The following PRDM13 variants were observed in gnomAD, a reference collection of about 807,000 sequenced individuals.
PRDM13 encodes the protein PR domain zinc finger protein 13.
In PRDM13, 15 loss-of-function variants were observed where a neutral mutation model predicts 36.4. The ratio of observed to expected loss-of-function variants is 0.41; its 90% confidence interval spans 0.28 to 0.64. PRDM13 has a LOEUF of 0.64. Ranked by LOEUF, PRDM13 falls within the 30% of genes least tolerant of loss-of-function variation. PRDM13 has a pLI of 0.29. For missense variants in PRDM13, 1,044 were observed against 1,013.5 expected (o/e 1.03, Z -0.41); for synonymous variants, 531 against 467.7 (o/e 1.14, Z -1.75).
In PRDM13 at chr6:99,613,080, C is replaced by G; in HGVS notation, c.445C>G (p.Pro149Ala). Residue 149 changes from proline (P) to alanine (A), a missense_variant, in exon 4 of 4, where the codon CCC (proline) becomes GCC (alanine). By Grantham distance (27) the Pro-to-Ala change is conservative. Transcript: ENST00000369215. The surrounding 1 kb of genome is among the most constrained non-coding windows in gnomAD (Gnocchi z 6.1). ...GTACTGCTGGAGGACGTTTAGATAC[C>G]CCAACAGCCTTAAGGCACACCTGCG... ...CWYCWRTFRY[P>A]NSLKAHLRFH... 2.5e-6 allele frequency: 4 copies of G among 1,613,236 alleles called. No individual in the cohort carries two copies. Among genetic ancestry groups the G allele is most frequent in the Non-Finnish European group, 2.5e-6 (3 of 1,179,810 alleles).
At position 99,614,164 on chromosome 6, in the gene PRDM13, C is replaced by T. The variant is rs199521199; in HGVS notation, c.1529C>T (p.Ala510Val). The change falls in exon 4 of 4, where the codon GCC (alanine) becomes GTC (valine). Residue 510 changes from alanine (A) to valine (V), a missense_variant. Physicochemically the swap from Ala to Val is moderately conservative, Grantham distance 64 (BLOSUM62 0). Transcript: ENST00000369215. The part of the protein sequence containing the change: ...SGPAAAALSP[A>V]ELGSLASIDR... ...CCTGCAGCGGCCGCCCTAAGCCCCGCCGAGCTGGGGTCGCTGGCCAGCATC... is the reference window on the plus strand; with the variant it reads ...CCTGCAGCGGCCGCCCTAAGCCCCGTCGAGCTGGGGTCGCTGGCCAGCATC... 583 of 1,601,398 alleles carry T rather than the reference C, an allele frequency of 3.6e-4. 5 individuals are homozygous for T. In the African/African-American group the frequency reaches 7.2e-3, roughly 20 times the overall value.
Position 99,609,245 on chromosome 6 carries a change from C to G in PRDM13, c.335C>G (p.Ser112Cys). The change falls in exon 3 of 4, where the codon TCT (serine) becomes TGT (cysteine). Residue 112 changes from serine to cysteine, a missense_variant. Transcript: ENST00000369215. ...GGGGAGGAGCTGACAGTGTGGTATT[C>G]TAACTCCTTGGCTCAGTGGTTCGAC... ...QPGEELTVWYSNSLAQWFDIP... is the reference protein window; with the variant it reads ...QPGEELTVWYCNSLAQWFDIP... 1 of 1,613,754 alleles carries G rather than the reference C, an allele frequency of 6.2e-7. No homozygotes were observed. Among genetic ancestry groups the G allele is most frequent in the Non-Finnish European group, 8.5e-7 (1 of 1,179,682 alleles).
intron 3 of PRDM13, among the ~76,000 whole-genome samples, chr6:99,611,883 A>G (rs1010260119): frequency 1.3e-5 from 2 of 152,162 alleles, no homozygotes; most frequent in African/African-American, 2.4e-5. Context: ...ACCACATTTT[A>G]AAAGAAACCC....
Position 99,613,246 on chromosome 6 carries a change from A to T in PRDM13, c.611A>T (p.Gln204Leu). The T allele has an allele frequency of 6.2e-7, 1 of 1,609,960 alleles. No individual in the cohort carries two copies. The highest frequency in any genetic ancestry group is 1.1e-5 in the South Asian group (1 of 90,714). Residue 204 changes from glutamine (Q) to leucine (L), a missense_variant, in exon 4 of 4, where the codon CAG becomes CTG. By Grantham distance (113) the Gln-to-Leu change is moderately radical. Around this residue, in one of 3 missense-constraint regions of PRDM13, gnomAD observed 921 missense variants for 865.2 expected, o/e 1.06. Coordinates refer to ENST00000369215, the MANE Select transcript of PRDM13 (RefSeq NM_021620.4). This position sits in a 1 kb window ranked among gnomAD's most constrained non-coding sequence, Gnocchi z 6.1. ...PPAPDFAAPS[Q>L]AGTLRPHPLG... ...GCGCCCGATTTCGCCGCGCCTTCCC[A>T]GGCAGGAACTTTGCGACCCCACCCC... is the stretch of plus-strand genomic sequence containing the variant.
rs1271092975 is a variant in PRDM13 at position 99,613,393 on chromosome 6, A to T, written c.758A>T (p.Glu253Val). The T allele has an allele frequency of 1.9e-5, 29 of 1,555,786 alleles. No individual in the cohort carries two copies. The highest frequency in any genetic ancestry group is 1.7e-4 in the Middle Eastern group (1 of 5,984). The change falls in exon 4 of 4, where the codon GAG (glutamate) becomes GTG (valine). Residue 253 changes from glutamate to valine, a missense_variant. Glu to Val is a moderately radical substitution (Grantham distance 121, BLOSUM62 -2). Around this residue, in one of 3 missense-constraint regions of PRDM13, gnomAD observed 921 missense variants for 865.2 expected, o/e 1.06. Transcript: ENST00000369215. The surrounding 1 kb of genome is among the most constrained non-coding windows in gnomAD (Gnocchi z 6.1). ...GKWGQPKKGK[E>V]QLDRALDMSG... is the part of the protein sequence containing the mutation. ...TGGGGGCAGCCCAAGAAGGGCAAGGAGCAGCTGGACCGTGCCCTGGACATG... is the reference window on the plus strand; with the variant it reads ...TGGGGGCAGCCCAAGAAGGGCAAGGTGCAGCTGGACCGTGCCCTGGACATG...
At chr6:99,610,272 A>G (rs1289704544) in intron 3 of PRDM13, among the ~76,000 whole-genome samples, 2 of 152,228 alleles carry the variant, frequency 1.3e-5, no homozygotes, top group African/African-American at 4.8e-5. Context: ...CTACCCTTGA[A>G]CACTGAAGAA....
In PRDM13 at chr6:99,613,450, T is replaced by C; in HGVS notation, c.815T>C (p.Leu272Pro). Reference sequence around the variant, plus strand: ...GCCGCCCGAGGACAAGGGCACTTCCTCGGCATCGTGGGCGGCTCCTCGGCG... The same window carrying C: ...GCCGCCCGAGGACAAGGGCACTTCCCCGGCATCGTGGGCGGCTCCTCGGCG... ...SGAARGQGHF[L>P]GIVGGSSAGV... The change falls in exon 4 of 4, where the codon CTC becomes CCC. Residue 272 changes from leucine (L) to proline (P), a missense_variant. By Grantham distance (98) the Leu-to-Pro change is moderately conservative. Transcript: ENST00000369215. This position sits in a 1 kb window ranked among gnomAD's most constrained non-coding sequence, Gnocchi z 6.1. 1 of 1,540,652 alleles carries C rather than the reference T, an allele frequency of 6.5e-7. No individual in the cohort carries two copies. The highest frequency in any genetic ancestry group is 8.7e-7 in the Non-Finnish European group (1 of 1,152,150).
chr6:99,608,632 C>A (rs1231651003), intron 1 of PRDM13, 109 bp from the exon 2 acceptor site: 31 of 1,463,446 alleles, frequency 2.1e-5, no homozygotes, highest in Non-Finnish European at 2.7e-5. Context: ...TCTGGCCAAA[C>A]CAAAAACAAC....
At position 99,614,302 on chromosome 6, in the gene PRDM13, C is replaced by G; in HGVS notation, c.1667C>G (p.Thr556Ser). Residue 556 changes from threonine to serine, a missense_variant, in exon 4 of 4, where the codon ACC becomes AGC. By Grantham distance (58) the Thr-to-Ser change is moderately conservative. Around this residue, in one of 3 missense-constraint regions of PRDM13, gnomAD observed 921 missense variants for 865.2 expected, o/e 1.06. Coordinates refer to ENST00000369215, the MANE Select transcript of PRDM13 (RefSeq NM_021620.4). ...CCGGCCGTCGCGGCGGCGGGAGGCA[C>G]CGGGGGCGGCGGCAGCGGAGGCAGC... ...LPPAVAAAGG[T>S]GGGGSGGSGA... 6.2e-7 allele frequency: 1 copy of G among 1,604,580 alleles called. No homozygotes were observed. The highest frequency in any genetic ancestry group is 8.5e-7 in the Non-Finnish European group (1 of 1,175,812).
Position 99,614,066 on chromosome 6 carries a change from C to T in PRDM13, c.1431C>T (p.Thr477=), listed in dbSNP as rs1331946590. ...GELLYGSPAT[T]AYYPLKLHFG... Reference sequence around the variant, plus strand: ...TGCTCTACGGCTCACCGGCCACCACCGCTTATTACCCGCTCAAATTGCACT... The same window carrying T: ...TGCTCTACGGCTCACCGGCCACCACTGCTTATTACCCGCTCAAATTGCACT... Residue 477 remains threonine (T), a synonymous_variant, in exon 4 of 4, where the codon ACC becomes ACT. Coordinates refer to ENST00000369215, the MANE Select transcript of PRDM13 (RefSeq NM_021620.4). The T allele has an allele frequency of 1.9e-6, 3 of 1,603,566 alleles. No individual in the cohort carries two copies. Among genetic ancestry groups the T allele is most frequent in the South Asian group, 2.2e-5 (2 of 90,174 alleles).
intron 3 of PRDM13, among the ~76,000 whole-genome samples, chr6:99,609,554 T>C (rs1465471476): frequency 6.6e-6 from 1 of 152,186 alleles, no homozygotes; most frequent in South Asian, 2.1e-4. Context: ...GCCATCCTTT[T>C]TCTGTTGCAT....
chr6:99,613,890 C>A lies in PRDM13; in HGVS notation c.1255C>A (p.Arg419Ser), dbSNP rs1770082322. 1 of 1,559,512 alleles carries A rather than the reference C, an allele frequency of 6.4e-7. No homozygotes were observed. Among genetic ancestry groups the A allele is most frequent in the Non-Finnish European group, 8.6e-7 (1 of 1,160,740 alleles). ...CGCAGCCGCCGCGCTGCCAGGAGCG[C>A]GTTATGCGCAGCTGCCCCCTGCGCC... ...PPAAAALPGA[R>S]YAQLPPAPGL... The change falls in exon 4 of 4, where the codon CGT (arginine) becomes AGT (serine). Residue 419 changes from arginine (R) to serine (S), a missense_variant. Arg to Ser is a moderately radical substitution (Grantham distance 110, BLOSUM62 -1). This residue lies in a region of PRDM13 where 921 missense variants were observed against 865.2 expected (regional missense o/e 1.06). Transcript: ENST00000369215. The surrounding 1 kb of genome is among the most constrained non-coding windows in gnomAD (Gnocchi z 6.1).
At position 99,614,320 on chromosome 6, in the gene PRDM13, G is replaced by A. The variant is rs765465291; in HGVS notation, c.1685G>A (p.Gly562Glu). ...GGAGGCACCGGGGGCGGCGGCAGCG[G>A]AGGCAGCGGCGCAGGTAAGCCCAAG... ...AAGGTGGGGS[G>E]GSGAGKPKTG... Residue 562 changes from glycine (G) to glutamate (E), a missense_variant, in exon 4 of 4, where the codon GGA (glycine) becomes GAA (glutamate). Gly to Glu is a moderately conservative substitution (Grantham distance 98). Transcript: ENST00000369215. The A allele has an allele frequency of 1.2e-6, 2 of 1,605,610 alleles. No homozygotes were observed. Among genetic ancestry groups the A allele is most frequent in the Non-Finnish European group, 1.7e-6 (2 of 1,176,362 alleles).
At position 99,613,817 on chromosome 6, in the gene PRDM13, C is replaced by T. The variant is rs1439003760; in HGVS notation, c.1182C>T (p.Val394=). 7.9e-6 allele frequency: 12 copies of T among 1,510,290 alleles called. No individual in the cohort carries two copies. In the South Asian group the frequency reaches 1.1e-4, roughly 14 times the overall value. 93.6% of individuals were successfully genotyped at this position (1,510,290 alleles called of 1,614,324 possible). A position where few individuals can be genotyped will look rare whatever the true frequency, so the allele number is the denominator to read the frequency against. The change falls in exon 4 of 4, where the codon GTC becomes GTT. Residue 394 remains valine (V), a synonymous_variant. Coordinates refer to ENST00000369215, the MANE Select transcript of PRDM13 (RefSeq NM_021620.4). This position sits in a 1 kb window ranked among gnomAD's most constrained non-coding sequence, Gnocchi z 6.1. ...TGCGCGGCTTCCCTCTGCTCTCCGT[C>T]CCCCCGGAAGAGGCGTCCGCCTTCA... is the stretch of plus-strand genomic sequence containing the variant. ...GALRGFPLLS[V]PPEEASAFKH...
At chr6:99,609,682 T>TC (rs1404805930) in intron 3 of PRDM13, among the ~76,000 whole-genome samples, 3 of 152,058 alleles carry the variant, frequency 2.0e-5, no homozygotes, top group South Asian at 4.2e-4. Context: ...GGCTAGGAGT[T>TC]CGAGACCAGC....
chr6:99,613,397 G>T lies in PRDM13; in HGVS notation c.762G>T (p.Gln254His), dbSNP rs1216493837. The change falls in exon 4 of 4, where the codon CAG (glutamine) becomes CAT (histidine). Residue 254 changes from glutamine (Q) to histidine (H), a missense_variant. Physicochemically the swap from Gln to His is conservative, Grantham distance 24. Coordinates refer to ENST00000369215, the MANE Select transcript of PRDM13 (RefSeq NM_021620.4). The surrounding 1 kb of genome is among the most constrained non-coding windows in gnomAD (Gnocchi z 6.1). Reference protein sequence around the residue: ...KWGQPKKGKEQLDRALDMSGA... With the variant: ...KWGQPKKGKEHLDRALDMSGA... Reference sequence around the variant, plus strand: ...GGCAGCCCAAGAAGGGCAAGGAGCAGCTGGACCGTGCCCTGGACATGAGCG... The same window carrying T: ...GGCAGCCCAAGAAGGGCAAGGAGCATCTGGACCGTGCCCTGGACATGAGCG... 6.4e-7 allele frequency: 1 copy of T among 1,555,952 alleles called. No homozygotes were observed. Among genetic ancestry groups the T allele is most frequent in the Non-Finnish European group, 8.6e-7 (1 of 1,158,116 alleles).
Position 99,613,592 on chromosome 6 carries a change from G to A in PRDM13, c.957G>A (p.Lys319=), listed in dbSNP as rs748059753. Residue 319 remains lysine (K), a synonymous_variant, in exon 4 of 4, where the codon AAG becomes AAA. Transcript: ENST00000369215. This position sits in a 1 kb window ranked among gnomAD's most constrained non-coding sequence, Gnocchi z 6.1. ...GDPYREESSS[K]QGAGLALGRL... Reference sequence around the variant, plus strand: ...CCTACCGGGAGGAGAGCAGCAGCAAGCAAGGAGCCGGCCTCGCTTTGGGCA... The same window carrying A: ...CCTACCGGGAGGAGAGCAGCAGCAAACAAGGAGCCGGCCTCGCTTTGGGCA... The A allele has an allele frequency of 8.0e-6, 12 of 1,496,346 alleles. No homozygotes were observed. In the South Asian group the frequency reaches 1.4e-4, roughly 17 times the overall value. The allele number at this position is 1,496,346 out of a possible 1,614,324, so 92.7% of individuals were successfully genotyped here.
Position 99,614,584 on chromosome 6 carries a change from A to C in PRDM13, c.1949A>C (p.Lys650Thr). The C allele has an allele frequency of 6.2e-7, 1 of 1,612,680 alleles. No homozygotes were observed. Among genetic ancestry groups the C allele is most frequent in the Admixed American group, 1.7e-5 (1 of 59,986 alleles). ...VRRRDLERHV[K>T]SRHPGQSLLA... ...CGCCGGGACCTGGAGCGACATGTCAAGTCCCGCCACCCTGGCCAGAGTCTG... is the reference window on the plus strand; with the variant it reads ...CGCCGGGACCTGGAGCGACATGTCACGTCCCGCCACCCTGGCCAGAGTCTG... Residue 650 changes from lysine to threonine, a missense_variant, in exon 4 of 4, where the codon AAG becomes ACG. This residue lies in a region of PRDM13 where 115 missense variants were observed against 122.1 expected (regional missense o/e 0.94). Coordinates refer to ENST00000369215, the MANE Select transcript of PRDM13 (RefSeq NM_021620.4).
chr6:99,613,274 G>C lies in PRDM13; in HGVS notation c.639G>C (p.Leu213=). The C allele has an allele frequency of 6.3e-7, 1 of 1,595,500 alleles. No individual in the cohort carries two copies. Among genetic ancestry groups the C allele is most frequent in the Non-Finnish European group, 8.5e-7 (1 of 1,172,454 alleles). ...SQAGTLRPHP[L]GPPPVQACGA... is the part of the protein sequence containing the mutation. ...CAGGAACTTTGCGACCCCACCCCCT[G>C]GGCCCGCCACCAGTTCAGGCCTGCG... Residue 213 remains leucine (L), a synonymous_variant, in exon 4 of 4, where the codon CTG becomes CTC. Coordinates refer to ENST00000369215, the MANE Select transcript of PRDM13 (RefSeq NM_021620.4). The surrounding 1 kb of genome is among the most constrained non-coding windows in gnomAD (Gnocchi z 6.1).
Sources: gnomAD v4.1 joint callset for allele counts (sites outside exome capture counted in the v4.1 genomes callset) on GRCh38, gnomAD v4.1.1 for gene constraint, gnomAD v4.1.1 regional missense constraint, Gnocchi (gnomAD v3.1) non-coding constraint, MANE v1.5 for transcripts, NCBI Gene and HGNC (gene_info 2026-07-23, HGNC 2026-07-21) for gene names.